The following GALNTL6 variants were observed in gnomAD, a reference collection of about 807,000 sequenced individuals.
The protein encoded by GALNTL6 is polypeptide N-acetylgalactosaminyltransferase like 6.
Under a neutral mutation model 73.7 loss-of-function variants are expected in GALNTL6, and 46 were observed. The observed-to-expected ratio is 0.62, with a 90% CI of 0.49 to 0.80. The LOEUF is 0.80. Among genes scored for constraint, GALNTL6 ranks in the 30% least tolerant of loss-of-function variants. The pLI is 0.00. For synonymous variants in GALNTL6, 259 were observed against 263.7 expected, an observed-to-expected ratio of 0.98 and a Z score of 0.17; for missense variants, 604 against 755.0, an observed-to-expected ratio of 0.80 and a Z score of 2.34.
At chr4:171,878,770 G>A (rs887432389) in intron 2 of GALNTL6, among the ~76,000 whole-genome samples, 26 of 152,074 alleles carry the variant, frequency 1.7e-4, no homozygotes, top group Admixed American at 1.3e-4. Flanking sequence ...TTAGAAGTGG[G>A]GCCCAGTGGG....
intron 2 of GALNTL6, among the ~76,000 whole-genome samples, chr4:172,101,771 A>C (rs1426295179): frequency 6.6e-6 from 1 of 152,138 alleles, no homozygotes; most frequent in Non-Finnish European, 1.5e-5. Context: ...ACTTAAATTA[A>C]CAATTATATA....
At chr4:172,720,814 C>T (rs1735425165) in intron 5 of GALNTL6, among the ~76,000 whole-genome samples, 1 of 152,164 alleles carries the variant, frequency 6.6e-6, no homozygotes, top group South Asian at 2.1e-4. Context: ...ATATTACCTC[C>T]ACTTATTCTA....
intron 2 of GALNTL6, among the ~76,000 whole-genome samples, chr4:172,073,055 T>G (rs1731594389): frequency 1.3e-5 from 2 of 152,192 alleles, no homozygotes; most frequent in African/African-American, 4.8e-5. Context: ...AACATTAGAC[T>G]AATGATTTCT....
chr4:172,464,968 G>A (rs1732754066), intron 5 of GALNTL6, among the ~76,000 whole-genome samples: 1 of 152,028 alleles, frequency 6.6e-6, no homozygotes, highest in African/African-American at 2.4e-5. Flanking sequence ...TGAACCCAAG[G>A]AGGCATAGAC....
chr4:172,869,435 A>T (rs1467796338), intron 7 of GALNTL6, among the ~76,000 whole-genome samples: 1 of 152,134 alleles, frequency 6.6e-6, no homozygotes, highest in Non-Finnish European at 1.5e-5. Flanking sequence ...AAAAGACAGA[A>T]AAAGGAAAGG....
At chr4:172,278,460 A>G (rs1424723778) in intron 3 of GALNTL6, among the ~76,000 whole-genome samples, 1 of 151,962 alleles carries the variant, frequency 6.6e-6, no homozygotes, top group Non-Finnish European at 1.5e-5. Flanking sequence ...TCCCATTCCA[A>G]TTTGATCTGA....
intron 2 of GALNTL6, among the ~76,000 whole-genome samples, chr4:171,890,782 GT>G (rs1736738922): frequency 6.6e-6 from 1 of 152,076 alleles, no homozygotes; most frequent in Non-Finnish European, 1.5e-5. Context: ...CAAACTCTCT[GT>G]TAGGCTGTGC....
intron 5 of GALNTL6, among the ~76,000 whole-genome samples, chr4:172,672,304 A>G (rs900558824): frequency 2.6e-5 from 4 of 152,230 alleles, no homozygotes; most frequent in African/African-American, 9.6e-5. Flanking sequence ...TATGTGATGA[A>G]ACACATTTAT....
chr4:172,593,020 G>A (rs907679949), intron 5 of GALNTL6, among the ~76,000 whole-genome samples: 2 of 151,918 alleles, frequency 1.3e-5, no homozygotes, highest in Non-Finnish European at 2.9e-5. Flanking sequence ...TACTCATTAA[G>A]TGCTTCCCCC....
intron 7 of GALNTL6, among the ~76,000 whole-genome samples, chr4:172,860,803 C>T (rs1191861867): frequency 8.5e-5 from 13 of 152,154 alleles, no homozygotes; most frequent in Non-Finnish European, 4.4e-5. Context: ...CACTGGCATC[C>T]TACTCAGCCA....
intron 2 of GALNTL6, among the ~76,000 whole-genome samples, chr4:171,899,115 TAA>T (rs34331298): frequency 2.0e-5 from 3 of 151,560 alleles, no homozygotes; most frequent in Admixed American, 6.6e-5. Context: ...AATTTAGTAT[TAA>T]TATCTATACA....
intron 2 of GALNTL6, among the ~76,000 whole-genome samples, chr4:172,129,265 C>T (rs1733390282): frequency 6.6e-6 from 1 of 152,094 alleles, no homozygotes; most frequent in Non-Finnish European, 1.5e-5. Flanking sequence ...AAAAAATATA[C>T]AGGCAGAAAA....
intron 5 of GALNTL6, among the ~76,000 whole-genome samples, chr4:172,354,025 G>A (rs1742059839): frequency 6.6e-6 from 1 of 152,236 alleles, no homozygotes; most frequent in South Asian, 2.1e-4. Flanking sequence ...AGATATCAGT[G>A]TGAAAAAGGT....
intron 2 of GALNTL6, among the ~76,000 whole-genome samples, chr4:172,184,966 C>A (rs1161599763): frequency 1.3e-5 from 2 of 152,220 alleles, no homozygotes; most frequent in African/African-American, 4.8e-5. Context: ...CACTTCCCAA[C>A]ACTGTTGCAT....
At chr4:172,811,740 T>C (rs1470372648) in intron 6 of GALNTL6, among the ~76,000 whole-genome samples, 1 of 152,236 alleles carries the variant, frequency 6.6e-6, no homozygotes, top group Admixed American at 6.5e-5. Context: ...ACCAGGGCCA[T>C]GCTCTAAAAT....
intron 2 of GALNTL6, among the ~76,000 whole-genome samples, chr4:172,097,923 A>G (rs1015929875): frequency 1.3e-5 from 2 of 152,124 alleles, no homozygotes; most frequent in African/African-American, 4.8e-5. Context: ...GTGAGAAAAA[A>G]AAAAGTCATA....
intron 10 of GALNTL6, among the ~76,000 whole-genome samples, chr4:172,970,868 G>T (rs1280531844): frequency 6.6e-6 from 1 of 152,202 alleles, no homozygotes; most frequent in African/African-American, 2.4e-5. Flanking sequence ...AAGGACAGGT[G>T]TAAGCAAATA....
intron 10 of GALNTL6, among the ~76,000 whole-genome samples, chr4:173,006,580 G>A (rs113609639): frequency 6.6e-6 from 1 of 152,180 alleles, no homozygotes; most frequent in Non-Finnish European, 1.5e-5. Flanking sequence ...AAATTCTAGA[G>A]AGAAGTTCCT....
intron 5 of GALNTL6, among the ~76,000 whole-genome samples, chr4:172,670,493 GTTGT>G (rs1236971701): frequency 7.2e-5 from 11 of 152,068 alleles, no homozygotes; most frequent in African/African-American, 2.2e-4. Context: ...TTTTTATGGT[GTTGT>G]TTGTTTTTTT....
Sources: allele counts gnomAD v4.1 joint callset (sites outside exome capture counted in the v4.1 genomes callset), GRCh38; gene constraint gnomAD v4.1.1; transcripts MANE v1.5; gene names NCBI Gene and HGNC (gene_info 2026-07-23, HGNC 2026-07-21).